Variants in KCNT2 observed in about 807,000 individuals in gnomAD.
The protein encoded by KCNT2 is potassium channel subfamily T member 2.
In KCNT2, 67 loss-of-function variants were observed where a neutral mutation model predicts 153.8. That is an observed-to-expected ratio of 0.44 (90% CI 0.36 to 0.53). The LOEUF (loss-of-function observed/expected upper bound fraction) is 0.53. KCNT2 is among the 20% of genes least tolerant of loss of function. KCNT2 has a pLI of 0.00. For synonymous variants in KCNT2, 500 were observed against 458.8 expected, an observed-to-expected ratio of 1.09 and a Z score of -1.15; for missense variants, 975 against 1,354.8, an observed-to-expected ratio of 0.72 and a Z score of 4.40.
At chr1:196,353,735 G>A (rs991683208) in intron 14 of KCNT2, among the ~76,000 whole-genome samples, 3 of 151,944 alleles carry the variant, frequency 2.0e-5, no homozygotes, top group Non-Finnish European at 2.9e-5. Context: ...AATCAACCAA[G>A]TGGAATAAGG....
intron 25 of KCNT2, among the ~76,000 whole-genome samples, chr1:196,260,699 T>C (rs1656933120): frequency 6.6e-6 from 1 of 151,898 alleles, no homozygotes; most frequent in South Asian, 2.1e-4. Context: ...TCTTTTCTCT[T>C]TCTTCCAACA....
At position 196,227,019 on chromosome 1, in the gene KCNT2, G is replaced by A. The variant is rs1447686526; in HGVS notation, c.*1205C>T. On this transcript the variant is annotated 3_prime_UTR_variant, in exon 28 of 28. Transcript: ENST00000294725. ...AATACAGGTAAAAAATGAAAAACTG[G>A]ATATCATCAATGGTCAATTTATATT... 1.3e-5 allele frequency: 2 copies of A among 151,824 alleles called. No homozygotes were observed. Among genetic ancestry groups the A allele is most frequent in the African/African-American group, 4.8e-5 (2 of 41,400 alleles). The allele number at this position is 151,824 out of a possible 1,614,324, so 9.4% of individuals were successfully genotyped here. A position where few individuals can be genotyped will look rare whatever the true frequency, so the allele number is the denominator to read the frequency against.
At chr1:196,323,101 A>G (rs1024096810) in intron 19 of KCNT2, among the ~76,000 whole-genome samples, 2 of 151,972 alleles carry the variant, frequency 1.3e-5, no homozygotes, top group African/African-American at 4.8e-5. Context: ...AAGACTCAGT[A>G]ACATTTAACA....
At chr1:196,261,049 G>C (rs1441913272) in intron 25 of KCNT2, among the ~76,000 whole-genome samples, 1 of 151,802 alleles carries the variant, frequency 6.6e-6, no homozygotes, top group Non-Finnish European at 1.5e-5. Flanking sequence ...GTGTGTGTTT[G>C]TGTGTTTTAA....
rs553359541 is a variant in KCNT2, at chr1:196,483,478, A to G, written c.276-1099T>C. Among the ~76,000 whole-genome samples, 21 of 152,272 alleles carry G rather than the reference A, an allele frequency of 1.4e-4. No individual in the cohort carries two copies. In the South Asian group the frequency reaches 4.1e-3, roughly 30 times the overall value. On this transcript the variant is annotated intron_variant, in intron 3 of 27. Transcript: ENST00000294725. ...AATGCGTTTTAGATCACATTACCCTATTCCCTATTGTGTATTGCCTTTGCA... is the reference window on the plus strand; with the variant it reads ...AATGCGTTTTAGATCACATTACCCTGTTCCCTATTGTGTATTGCCTTTGCA...
At position 196,505,541 on chromosome 1, in the gene KCNT2, G is replaced by A. The variant is rs575671490; in HGVS notation, c.96-13200C>T. ...GTGATGCCTCCAGCTTTGTTCTTTT[G>A]GCTTAGGATTGACTTGGTGATGCGG... On this transcript the variant is annotated intron_variant, in intron 1 of 27. Coordinates refer to ENST00000294725, the MANE Select transcript of KCNT2 (RefSeq NM_198503.5). Among the ~76,000 whole-genome samples, 26 of 151,528 alleles carry A rather than the reference G, an allele frequency of 1.7e-4. No homozygotes were observed. In the South Asian group the frequency reaches 5.3e-3, roughly 31 times the overall value.
intron 1 of KCNT2, among the ~76,000 whole-genome samples, chr1:196,559,353 T>G (rs1192539830): frequency 6.6e-6 from 1 of 151,702 alleles, no homozygotes; most frequent in Non-Finnish European, 1.5e-5. Flanking sequence ...ACTCATCCCA[T>G]GAATACATAT....
intron 13 of KCNT2, among the ~76,000 whole-genome samples, chr1:196,382,059 C>T (rs888053465): frequency 1.4e-5 from 2 of 142,958 alleles, no homozygotes; most frequent in African/African-American, 5.1e-5. Flanking sequence ...AAAAGCCTCA[C>T]TTAAGGAAAT....
rs375078430 is a variant in KCNT2 at position 196,418,094 on chromosome 1, C to T, written c.1185+4956G>A. Among the ~76,000 whole-genome samples, 15 of 152,000 alleles carry T rather than the reference C, an allele frequency of 9.9e-5. 1 individual carries two copies. The highest frequency in any genetic ancestry group is 1.5e-4 in the Non-Finnish European group (10 of 68,006). ...TTCCAATCTTGAATGATCTGTTTTC[C>T]GTTCTAATTGTCTCTTTTGACATTT... On this transcript the variant is annotated intron_variant, in intron 12 of 27. Coordinates refer to ENST00000294725, the MANE Select transcript of KCNT2 (RefSeq NM_198503.5).
rs574342180 is a variant in KCNT2, at chr1:196,388,574, G to A, written c.1294+9989C>T. On this transcript the variant is annotated intron_variant, in intron 13 of 27. Transcript: ENST00000294725. ...TTTAGCTCTTTAAGAATTTCTCTCA[G>A]CAATGTTTATAGTTTCTTTATATGA... 3.3e-5 allele frequency among the ~76,000 whole-genome samples: 5 copies of A among 151,512 alleles called. No homozygotes were observed. The South Asian group carries it at 1.0e-3, about 31-fold the overall frequency.
At chr1:196,509,387 A>C (rs1572681585) in intron 1 of KCNT2, among the ~76,000 whole-genome samples, 1 of 152,096 alleles carries the variant, frequency 6.6e-6, no homozygotes, top group Non-Finnish European at 1.5e-5. Flanking sequence ...TACAATGGAA[A>C]ATTGCAGTCA....
At chr1:196,235,355 T>A (rs1289263242) in intron 27 of KCNT2, among the ~76,000 whole-genome samples, 2 of 151,466 alleles carry the variant, frequency 1.3e-5, no homozygotes, top group Non-Finnish European at 3.0e-5. Context: ...TAATGTCTCC[T>A]TCTATTAATT....
rs1267824359 is a variant in KCNT2, at chr1:196,315,898, A to G, written c.2477T>C (p.Leu826Pro). 3 of 1,604,158 alleles carry G rather than the reference A, an allele frequency of 1.9e-6. No individual in the cohort carries two copies. The highest frequency in any genetic ancestry group is 2.6e-6 in the Non-Finnish European group (3 of 1,174,882). ...DAKTIVNVQT[L>P]FRLFSSLSII... The stretch of plus-strand genomic sequence containing the variant: ...GGATGATTCAGCCACTTACCTGAAG[A>G]GTGTCTGCACGTTCACAATGGTTTT... The change falls in exon 21 of 28, where the codon CTC (leucine) becomes CCC (proline). Residue 826 changes from leucine (L) to proline (P), a missense_variant. Leu to Pro is a moderately conservative substitution (Grantham distance 98). Transcript: ENST00000294725.
At chr1:196,569,223 C>A (rs891020202) in intron 1 of KCNT2, among the ~76,000 whole-genome samples, 1 of 152,068 alleles carries the variant, frequency 6.6e-6, no homozygotes, top group African/African-American at 2.4e-5. Context: ...TTGATTACTT[C>A]TAACTGCAAG....
At position 196,228,145 on chromosome 1, in the gene KCNT2, T is replaced by C; in HGVS notation, c.*79A>G. The C allele has an allele frequency of 1.4e-6, 1 of 726,502 alleles. No individual in the cohort carries two copies. The highest frequency in any genetic ancestry group is 1.6e-5 in the South Asian group (1 of 61,548). 45.0% of individuals were successfully genotyped at this position (726,502 alleles called of 1,614,324 possible). The stretch of plus-strand genomic sequence containing the variant: ...TGAGAGAATTACATATATTTCCATC[T>C]AGTTTCTTTCGTGCCAGCAAAACTT... On this transcript the variant is annotated 3_prime_UTR_variant, in exon 28 of 28. Coordinates refer to ENST00000294725, the MANE Select transcript of KCNT2 (RefSeq NM_198503.5).
chr1:196,321,616 G>T (rs1663322564), intron 19 of KCNT2, among the ~76,000 whole-genome samples: 1 of 151,858 alleles, frequency 6.6e-6, no homozygotes, highest in South Asian at 2.1e-4. Context: ...TGGTAGTATG[G>T]TTCATCCTTA....
At chr1:196,461,347 A>G (rs1418966337) in intron 8 of KCNT2, among the ~76,000 whole-genome samples, 1 of 151,712 alleles carries the variant, frequency 6.6e-6, no homozygotes, top group Non-Finnish European at 1.5e-5. Flanking sequence ...AGGTGAATTG[A>G]TTCAATTATT....
At chr1:196,450,101 T>C (rs1207039467) in intron 8 of KCNT2, among the ~76,000 whole-genome samples, 2 of 151,854 alleles carry the variant, frequency 1.3e-5, no homozygotes, top group African/African-American at 4.8e-5. Flanking sequence ...TACAATTATA[T>C]TTTTATCAAA....
intron 5 of KCNT2, among the ~76,000 whole-genome samples, chr1:196,472,451 A>G (rs908729366): frequency 2.6e-5 from 4 of 152,200 alleles, no homozygotes; most frequent in Non-Finnish European, 4.4e-5. Context: ...AATTTCATCC[A>G]TGTTTCAGCT....
Sources: allele counts gnomAD v4.1 joint callset (sites outside exome capture counted in the v4.1 genomes callset), GRCh38; gene constraint gnomAD v4.1.1; transcripts MANE v1.5; gene names NCBI Gene and HGNC (gene_info 2026-07-23, HGNC 2026-07-21).